CSMD1: variants seen among roughly 807,000 people sequenced by gnomAD.
CSMD1 encodes the protein CUB and Sushi multiple domains 1, also known as CUB and sushi domain-containing protein 1.
A neutral mutation model predicts 417.5 loss-of-function variants in CSMD1; 213 were observed. The observed-to-expected ratio is 0.51, with a 90% confidence interval of 0.46 to 0.57. The LOEUF is 0.57. CSMD1 is among the 20% of genes least tolerant of loss of function. The pLI, the probability that CSMD1 is intolerant of heterozygous loss-of-function variation, is 0.00. For missense variants in CSMD1, 6,923 were observed against 4,529.7 expected (o/e 1.53, Z -15.17); for synonymous variants, 2,862 against 1,736.8 (o/e 1.65, Z -16.11).
chr8:4,499,381 G>A (rs1802137344), intron 2 of CSMD1, among the ~76,000 whole-genome samples: 1 of 152,188 alleles, frequency 6.6e-6, no homozygotes, highest in South Asian at 2.1e-4. Flanking sequence ...AGGCAAGTCT[G>A]CAGAGAGGGG....
chr8:3,761,437 T>C (rs578027549), intron 5 of CSMD1, among the ~76,000 whole-genome samples: 6 of 151,830 alleles, frequency 4.0e-5, no homozygotes, highest in East Asian at 1.9e-4. Context: ...AAAACCCATA[T>C]GGTATATTTA....
In CSMD1 at chr8:3,329,132, A is replaced by C. The variant is rs574139414; in HGVS notation, c.3631+14162T>G. Reference sequence around the variant, plus strand: ...TGTTGGCATAGAATGGAGGTGGAAGATATGTAATTGAAGGAGAGAGGCGAT... The same window carrying C: ...TGTTGGCATAGAATGGAGGTGGAAGCTATGTAATTGAAGGAGAGAGGCGAT... On this transcript the variant is annotated intron_variant, in intron 23 of 69. Coordinates refer to ENST00000635120, the MANE Select transcript of CSMD1 (RefSeq NM_033225.6). Among the ~76,000 whole-genome samples, 19 of 152,284 alleles carry C rather than the reference A, an allele frequency of 1.2e-4. No homozygotes were observed. In the East Asian group the frequency reaches 1.4e-3, roughly 11 times the overall value.
intron 4 of CSMD1, among the ~76,000 whole-genome samples, chr8:4,017,793 G>T (rs749485580): frequency 1.8e-4 from 28 of 152,072 alleles, no homozygotes; most frequent in African/African-American, 6.5e-4. Context: ...TTTGTAATCT[G>T]CATTTGGAAA....
chr8:3,527,210 C>T (rs1333896571), intron 10 of CSMD1, among the ~76,000 whole-genome samples: 1 of 152,006 alleles, frequency 6.6e-6, no homozygotes, highest in East Asian at 1.9e-4. Context: ...TTTTATTTTC[C>T]ACTACTCAGA....
At chr8:3,613,953 T>C (rs534529870) in intron 8 of CSMD1, among the ~76,000 whole-genome samples, 42 of 151,844 alleles carry the variant, frequency 2.8e-4, no homozygotes, top group African/African-American at 8.2e-4. Flanking sequence ...AAAAATCCGA[T>C]TGGAAAGCAA....
intron 15 of CSMD1, among the ~76,000 whole-genome samples, chr8:3,401,108 A>T (rs570102690): frequency 5.3e-5 from 8 of 151,970 alleles, no homozygotes; most frequent in African/African-American, 1.4e-4. Context: ...TATGAATACA[A>T]CATAAGCAAA....
intron 1 of CSMD1, among the ~76,000 whole-genome samples, chr8:4,651,939 G>C (rs1482990028): frequency 6.6e-6 from 1 of 152,084 alleles, no homozygotes; most frequent in Non-Finnish European, 1.5e-5. Flanking sequence ...GACCTGATAG[G>C]GAGAACTTTA....
chr8:4,631,842 A>C (rs1802536849), intron 2 of CSMD1, among the ~76,000 whole-genome samples: 1 of 152,206 alleles, frequency 6.6e-6, no homozygotes, highest in African/African-American at 2.4e-5. Flanking sequence ...ACTCGAGATA[A>C]ATGCCAAAGC....
At chr8:3,609,892 C>T (rs1370343604) in intron 8 of CSMD1, among the ~76,000 whole-genome samples, 1 of 132,474 alleles carries the variant, frequency 7.5e-6, no homozygotes, top group South Asian at 2.6e-4. Context: ...GATCTCGGCT[C>T]CTGGGTTCAA....
intron 2 of CSMD1, among the ~76,000 whole-genome samples, chr8:4,627,804 T>C (rs1456556942): frequency 6.6e-6 from 1 of 152,106 alleles, no homozygotes; most frequent in East Asian, 1.9e-4. Flanking sequence ...GACATATGAA[T>C]AGTATAGGAA....
chr8:4,632,004 A>G (rs902688621), intron 2 of CSMD1, among the ~76,000 whole-genome samples: 2 of 152,192 alleles, frequency 1.3e-5, no homozygotes, highest in African/African-American at 4.8e-5. Flanking sequence ...TAATAATTTT[A>G]TCACAGTTGG....
At position 4,296,286 on chromosome 8, in the gene CSMD1, C is replaced by T. The variant is rs1585179750; in HGVS notation, c.415+123667G>A. Among the ~76,000 whole-genome samples, 2 of 152,006 alleles carry T rather than the reference C, an allele frequency of 1.3e-5. 1 individual carries two copies. The highest frequency in any genetic ancestry group is 4.2e-4 in the South Asian group (2 of 4,816). On this transcript the variant is annotated intron_variant, in intron 3 of 69. Coordinates refer to ENST00000635120, the MANE Select transcript of CSMD1 (RefSeq NM_033225.6). ...CACCAGAATTCAGAAGTGCCCAAGG[C>T]AGGAAGAATTATTTCGTCCCTGTGG...
At chr8:4,241,047 T>C (rs1028518877) in intron 3 of CSMD1, among the ~76,000 whole-genome samples, 1 of 152,210 alleles carries the variant, frequency 6.6e-6, no homozygotes, top group African/African-American at 2.4e-5. Flanking sequence ...AGTCTTTTAA[T>C]GAAGCTACCC....
intron 3 of CSMD1, among the ~76,000 whole-genome samples, chr8:4,251,445 A>G (rs1803065534): frequency 6.6e-6 from 1 of 152,218 alleles, no homozygotes; most frequent in Non-Finnish European, 1.5e-5. Flanking sequence ...CCAAAAGGCA[A>G]TTAAGGCCCC....
intron 1 of CSMD1, among the ~76,000 whole-genome samples, chr8:4,932,518 G>A (rs1035226564): frequency 7.9e-5 from 12 of 152,072 alleles, no homozygotes; most frequent in Non-Finnish European, 1.2e-4. Context: ...ATAAATGAAC[G>A]TATTCACCTA....
intron 50 of CSMD1, among the ~76,000 whole-genome samples, chr8:3,049,393 T>A (rs563831808): frequency 6.6e-6 from 1 of 152,124 alleles, no homozygotes; most frequent in Non-Finnish European, 1.5e-5. Flanking sequence ...TGGAATATTG[T>A]TCAGTACTAA....
At chr8:3,086,567 A>G (rs1814547750) in intron 49 of CSMD1, among the ~76,000 whole-genome samples, 1 of 152,184 alleles carries the variant, frequency 6.6e-6, no homozygotes, top group African/African-American at 2.4e-5. Context: ...CAAAGCCTTC[A>G]ATTAAAATTA....
intron 7 of CSMD1, among the ~76,000 whole-genome samples, chr8:3,648,717 T>C (rs1390246870): frequency 1.3e-5 from 2 of 152,216 alleles, no homozygotes; most frequent in East Asian, 3.9e-4. Context: ...CCTGATCATT[T>C]ACAGAAGTTA....
chr8:4,150,533 C>T (rs560042094), intron 3 of CSMD1, among the ~76,000 whole-genome samples: 8 of 152,274 alleles, frequency 5.3e-5, no homozygotes, highest in East Asian at 3.9e-4. Flanking sequence ...TCTGTTCTTC[C>T]AAGTGTAATG....
Sources: gnomAD v4.1 joint callset for allele counts (sites outside exome capture counted in the v4.1 genomes callset) on GRCh38, gnomAD v4.1.1 for gene constraint, MANE v1.5 for transcripts, NCBI Gene and HGNC (gene_info 2026-07-23, HGNC 2026-07-21) for gene names.